Variants in PPP1R13L observed in about 807,000 individuals in gnomAD.
PPP1R13L encodes the protein protein phosphatase 1 regulatory subunit 13 like, also known as relA-associated inhibitor.
Under a neutral mutation model 80.9 loss-of-function variants are expected in PPP1R13L, and 50 were observed. That is an observed-to-expected ratio of 0.62 (90% CI 0.49 to 0.78). The LOEUF is 0.78. Ranked by LOEUF, PPP1R13L falls within the 30% of genes least tolerant of loss-of-function variation. The probability of loss-of-function intolerance (pLI) is 0.00; values close to 1 mark genes in which losing one functional copy is unlikely to be tolerated. For synonymous variants in PPP1R13L, 602 were observed against 534.3 expected (o/e 1.13, Z -1.75); for missense variants, 1,200 against 1,205.9 (o/e 1.00, Z 0.07).
intron 3 of PPP1R13L, among the ~76,000 whole-genome samples, chr19:45,397,468 C>CTTTTTCTTTCTTTCTTTCTT (rs1294884126): frequency 1.2e-5 from 1 of 86,614 alleles, no homozygotes; most frequent in Non-Finnish European, 2.4e-5. Flanking sequence ...TGCTTTCTCT[C>CTTTTTCTTTCTTTCTTTCTT]TCTCTCTTTC....
intron 1 of PPP1R13L, among the ~76,000 whole-genome samples, chr19:45,404,286 C>A (rs898641463): frequency 1.3e-5 from 2 of 152,306 alleles, no homozygotes; most frequent in South Asian, 2.1e-4. Flanking sequence ...CTGTTTCCCA[C>A]CCCATAAGGC....
intron 7 of PPP1R13L, among the ~76,000 whole-genome samples, chr19:45,393,977 ATAT>A (rs1169067197): frequency 6.6e-6 from 1 of 152,202 alleles, no homozygotes; most frequent in Non-Finnish European, 1.5e-5. Context: ...TATAGGGTAG[ATAT>A]TATTAATCTC....
upstream of PPP1R13L, chr19:45,406,275 C>G (rs1973359966): frequency 2.9e-6 from 3 of 1,031,620 alleles, no homozygotes; most frequent in Middle Eastern, 4.8e-4. The surrounding 1 kb of genome is among the most constrained non-coding windows in gnomAD (Gnocchi z 4.2). Flanking sequence ...CACAGCCCTA[C>G]TAACTAGTAT....
At position 45,391,771 on chromosome 19, in the gene PPP1R13L, AGAG is replaced by A. The variant is rs918328297; in HGVS notation, c.1815+106_1815+108del. ...GCAAACTCTTGGACTTCTACTCAAA[AGAG>A]GAGAAAACTTCGATCTCATCTAAGC... On this transcript the variant is annotated intron_variant, in intron 8 of 12. Transcript: ENST00000360957. The A allele has an allele frequency of 1.1e-5, 9 of 821,968 alleles. No individual in the cohort carries two copies. In the East Asian group the frequency reaches 2.8e-4, roughly 26 times the overall value. 50.9% of individuals were successfully genotyped at this position (821,968 alleles called of 1,614,324 possible).
chr19:45,385,460 T>C (rs764980531), intron 11 of PPP1R13L, 102 bp downstream of exon 11: 283 of 1,332,748 alleles, frequency 2.1e-4, no homozygotes, highest in Non-Finnish European at 2.7e-4. Context: ...AAGTGGTTGG[T>C]ACAGCCCCCA....
chr19:45,396,147 C>A lies in PPP1R13L; in HGVS notation c.903+21G>T. 1 of 1,584,768 alleles carries A rather than the reference C, an allele frequency of 6.3e-7. No homozygotes were observed. Among genetic ancestry groups the A allele is most frequent in the Non-Finnish European group, 8.6e-7 (1 of 1,166,990 alleles). ...TCCTCGACCTTCCCCAGCCTCTCCTCCCCAGGCGTCGCCTCCTCACCTTGC... is the reference window on the plus strand; with the variant it reads ...TCCTCGACCTTCCCCAGCCTCTCCTACCCAGGCGTCGCCTCCTCACCTTGC... On this transcript the variant is annotated intron_variant, in intron 6 of 12. Coordinates refer to ENST00000360957, the MANE Select transcript of PPP1R13L (RefSeq NM_006663.4). The surrounding 1 kb of genome is among the most constrained non-coding windows in gnomAD (Gnocchi z 5.3).
intron 11 of PPP1R13L, among the ~76,000 whole-genome samples, chr19:45,383,276 G>A (rs909913530): frequency 6.9e-6 from 1 of 145,950 alleles, no homozygotes; most frequent in African/African-American, 2.5e-5. Context: ...TTACAGGCGT[G>A]AGCCACCGCG....
chr19:45,380,165 G>A lies in PPP1R13L; in HGVS notation c.*25C>T. ...AAGGCAGGAATGCTTGTTTCTGTCA[G>A]CCTCAGAAACCTCCTTCTATCCTGC... is the stretch of plus-strand genomic sequence containing the variant. On this transcript the variant is annotated 3_prime_UTR_variant, in exon 13 of 13. Transcript: ENST00000360957. 2 of 1,612,802 alleles carry A rather than the reference G, an allele frequency of 1.2e-6. No homozygotes were observed. Among genetic ancestry groups the A allele is most frequent in the South Asian group, 1.1e-5 (1 of 91,014 alleles).
Position 45,398,609 on chromosome 19 carries a change from G to C in PPP1R13L, c.-21-270C>G, listed in dbSNP as rs1435276763. On this transcript the variant is annotated intron_variant, in intron 1 of 12. Coordinates refer to ENST00000360957, the MANE Select transcript of PPP1R13L (RefSeq NM_006663.4). ...TCTTTTTTTTTTTTTTTTTGTGTATGTGTGTGAGACAGAGTCTCGCTCTGT... is the reference window on the plus strand; with the variant it reads ...TCTTTTTTTTTTTTTTTTTGTGTATCTGTGTGAGACAGAGTCTCGCTCTGT... Among the ~76,000 whole-genome samples, 8 of 117,398 alleles carry C rather than the reference G, an allele frequency of 6.8e-5. No homozygotes were observed. In the Admixed American group the frequency reaches 6.9e-4, roughly 10 times the overall value. 77.0% of individuals were successfully genotyped at this position (117,398 alleles called of 152,430 possible).
Position 45,392,016 on chromosome 19 carries a change from C to T in PPP1R13L, c.1679G>A (p.Gly560Glu), listed in dbSNP as rs776184308. 6.5e-7 allele frequency: 1 copy of T among 1,541,252 alleles called. No individual in the cohort carries two copies. The highest frequency in any genetic ancestry group is 8.7e-7 in the Non-Finnish European group (1 of 1,147,302). ...LFHRHGGPGP[G>E]GPEPELSPIT... ...GGGGGACAGCTCTGGCTCCGGCCCCCCGGGCCCTGGCCCCCCATGACGATG... is the reference window on the plus strand; with the variant it reads ...GGGGGACAGCTCTGGCTCCGGCCCCTCGGGCCCTGGCCCCCCATGACGATG... Residue 560 changes from glycine (G) to glutamate (E), a missense_variant, in exon 8 of 13, where the codon GGG (glycine) becomes GAG (glutamate). Coordinates refer to ENST00000360957, the MANE Select transcript of PPP1R13L (RefSeq NM_006663.4).
intron 1 of PPP1R13L, among the ~76,000 whole-genome samples, chr19:45,403,372 G>C (rs1301829073): frequency 1.3e-5 from 2 of 152,030 alleles, no homozygotes; most frequent in Non-Finnish European, 2.9e-5. Context: ...TTGACACCCA[G>C]GGTCTCAACT....
In PPP1R13L at chr19:45,385,926, CCCT is replaced by C. The variant is rs1568554581; in HGVS notation, c.1976_1978del (p.Glu659del). 1 of 1,612,418 alleles carries C rather than the reference CCCT, an allele frequency of 6.2e-7. No homozygotes were observed. The highest frequency in any genetic ancestry group is 2.2e-5 in the East Asian group (1 of 44,832). On this transcript the variant is annotated inframe_deletion, in exon 10 of 13. Coordinates refer to ENST00000360957, the MANE Select transcript of PPP1R13L (RefSeq NM_006663.4). ...GATGGCGTTGTGCAAGGCAGTGATG[CCCT>C]CCTCGTTGGGCTGGCTCGGGTCGTT... is the stretch of plus-strand genomic sequence containing the variant.
At position 45,395,383 on chromosome 19, in the gene PPP1R13L, T is replaced by C. The variant is rs533625527; in HGVS notation, c.1354+53A>G. ...CCTCCCAGGGCTGGTCTGGTCCCCC[T>C]GCCATTTGTCCTCCCTTCACCCAGT... On this transcript the variant is annotated intron_variant, in intron 7 of 12. Coordinates refer to ENST00000360957, the MANE Select transcript of PPP1R13L (RefSeq NM_006663.4). The C allele has an allele frequency of 7.7e-6, 12 of 1,565,204 alleles. No homozygotes were observed. In the East Asian group the frequency reaches 2.8e-4, roughly 37 times the overall value.
Position 45,392,082 on chromosome 19 carries a change from G to A in PPP1R13L, c.1613C>T (p.Thr538Ile). The A allele has an allele frequency of 1.3e-6, 2 of 1,540,170 alleles. No individual in the cohort carries two copies. Among genetic ancestry groups the A allele is most frequent in the Non-Finnish European group, 1.7e-6 (2 of 1,144,220 alleles). Residue 538 changes from threonine to isoleucine, a missense_variant, in exon 8 of 13, where the codon ACC becomes ATC. Thr to Ile is a moderately conservative substitution (Grantham distance 89). This residue lies in a region of PPP1R13L where 53 missense variants were observed against 96.5 expected (regional missense o/e 0.55). Transcript: ENST00000360957. ...EQAPAVALPP[T>I]HKKQYQQIIS... ...GATCTGCTGGTACTGTTTCTTGTGGGTAGGGGGCAGGGCCACAGCAGGGGC... is the reference window on the plus strand; with the variant it reads ...GATCTGCTGGTACTGTTTCTTGTGGATAGGGGGCAGGGCCACAGCAGGGGC...
upstream of PPP1R13L, among the ~76,000 whole-genome samples, chr19:45,405,481 G>A (rs1474431476): frequency 1.3e-5 from 2 of 152,218 alleles, no homozygotes; most frequent in African/African-American, 2.4e-5. Context: ...CAAAATCTTA[G>A]TTTGGACTAC....
At chr19:45,399,560 C>T (rs11673653) in intron 1 of PPP1R13L, among the ~76,000 whole-genome samples, 66,347 of 150,488 alleles carry the variant, frequency 0.44, 18,217 homozygotes, top group Non-Finnish European at 0.61. Context: ...GGAGGTGGAG[C>T]TTGAACTGAG....
Position 45,396,754 on chromosome 19 carries a change from T to G in PPP1R13L, c.503A>C (p.Gln168Pro), listed in dbSNP as rs1159223933. The part of the protein sequence containing the change: ...SPRPGPGPLR[Q>P]QGPPTPFDFL... ...GTCGAAAGGCGTGGGGGGACCCTGC[T>G]GGCGGAGCGGGCCTGGCCCGGGCCG... is the stretch of plus-strand genomic sequence containing the variant. Residue 168 changes from glutamine to proline, a missense_variant, in exon 4 of 13, where the codon CAG becomes CCG. Gln to Pro is a moderately conservative substitution (Grantham distance 76, BLOSUM62 -1). This residue lies in a region of PPP1R13L where 764 missense variants were observed against 714.5 expected (regional missense o/e 1.07). Coordinates refer to ENST00000360957, the MANE Select transcript of PPP1R13L (RefSeq NM_006663.4). The surrounding 1 kb of genome is among the most constrained non-coding windows in gnomAD (Gnocchi z 5.3). The G allele has an allele frequency of 7.4e-7, 1 of 1,356,118 alleles. No individual in the cohort carries two copies. The highest frequency in any genetic ancestry group is 9.4e-7 in the Non-Finnish European group (1 of 1,064,110). 84.0% of individuals were successfully genotyped at this position (1,356,118 alleles called of 1,614,324 possible). A position where few individuals can be genotyped will look rare whatever the true frequency, so the allele number is the denominator to read the frequency against.
At chr19:45,397,899 C>T (rs1231508587) in intron 3 of PPP1R13L, 106 bp downstream of exon 3, 26 of 1,436,492 alleles carry the variant, frequency 1.8e-5, no homozygotes, top group African/African-American at 1.4e-5. Flanking sequence ...TTGAAGAGCC[C>T]ACAACCTGCA....
Position 45,395,704 on chromosome 19 carries a change from G to T in PPP1R13L, c.1086C>A (p.Arg362=), listed in dbSNP as rs967094306. The T allele has an allele frequency of 6.9e-7, 1 of 1,445,212 alleles. No individual in the cohort carries two copies. The highest frequency in any genetic ancestry group is 9.0e-7 in the Non-Finnish European group (1 of 1,107,654). 89.5% of individuals were successfully genotyped at this position (1,445,212 alleles called of 1,614,324 possible). The change falls in exon 7 of 13, where the codon CGC becomes CGA. Residue 362 remains arginine, a synonymous_variant. Coordinates refer to ENST00000360957, the MANE Select transcript of PPP1R13L (RefSeq NM_006663.4). ...GGATGGGACGCTGGCGCGGGGCCCC[G>T]CGGGGCTGGGGGCTGGAGGGGGGCA... ...IPMPPSSPQP[R]GAPRQRPIPL... is the part of the protein sequence containing the mutation.
Sources: allele counts gnomAD v4.1 joint callset (sites outside exome capture counted in the v4.1 genomes callset), GRCh38; gene constraint gnomAD v4.1.1; regional missense constraint gnomAD v4.1.1; non-coding constraint Gnocchi (gnomAD v3.1); transcripts MANE v1.5; gene names NCBI Gene and HGNC (gene_info 2026-07-23, HGNC 2026-07-21).